MDGA2: variants seen among roughly 807,000 people sequenced by gnomAD.
The protein encoded by MDGA2 is MAM domain containing glycosylphosphatidylinositol anchor 2.
A neutral mutation model predicts 117.8 loss-of-function variants in MDGA2; 40 were observed. The ratio of observed to expected loss-of-function variants is 0.34; its 90% confidence interval spans 0.26 to 0.44. The LOEUF (loss-of-function observed/expected upper bound fraction) is 0.44, where lower values mean the gene tolerates loss of function less well. Among genes scored for constraint, MDGA2 ranks in the 20% least tolerant of loss-of-function variants. MDGA2 has a pLI of 1.00. For missense variants in MDGA2, 1,123 were observed against 1,250.6 expected (o/e 0.90, Z 1.54); for synonymous variants, 452 against 439.0 (o/e 1.03, Z -0.37).
chr14:47,410,504 C>T (rs1255813097), intron 1 of MDGA2, among the ~76,000 whole-genome samples: 1 of 151,914 alleles, frequency 6.6e-6, no homozygotes, highest in Non-Finnish European at 1.5e-5. Context: ...GTCTTTGTAA[C>T]AAACTTATAA....
intron 1 of MDGA2, among the ~76,000 whole-genome samples, chr14:47,516,362 T>C (rs1210246771): frequency 1.3e-5 from 2 of 152,180 alleles, no homozygotes; most frequent in African/African-American, 2.4e-5. Context: ...TCCCCATTTC[T>C]TTCACCAGTA....
chr14:47,309,052 A>T (rs562748982), intron 1 of MDGA2, among the ~76,000 whole-genome samples: 27 of 152,292 alleles, frequency 1.8e-4, no homozygotes, highest in African/African-American at 6.3e-4. Flanking sequence ...ACCCATGAAC[A>T]TAAACACATA....
At chr14:47,055,811 C>T (rs1889654657) in intron 7 of MDGA2, among the ~76,000 whole-genome samples, 1 of 152,106 alleles carries the variant, frequency 6.6e-6, no homozygotes, top group Admixed American at 6.6e-5. Context: ...ATTATCATAG[C>T]AGAGTGGAAT....
intron 3 of MDGA2, among the ~76,000 whole-genome samples, chr14:47,179,688 TCA>T (rs1566668297): frequency 6.6e-6 from 1 of 152,096 alleles, no homozygotes; most frequent in Non-Finnish European, 1.5e-5. Context: ...GTTCTATGGT[TCA>T]CAGAGGTAGG....
At chr14:47,172,740 G>T (rs929507244) in intron 3 of MDGA2, among the ~76,000 whole-genome samples, 4 of 152,176 alleles carry the variant, frequency 2.6e-5, no homozygotes, top group African/African-American at 7.2e-5. Context: ...AAAGCAGAGC[G>T]CCTCTCCTCC....
intron 1 of MDGA2, among the ~76,000 whole-genome samples, chr14:47,403,034 C>T (rs971148279): frequency 1.3e-5 from 2 of 152,132 alleles, no homozygotes; most frequent in Non-Finnish European, 2.9e-5. Flanking sequence ...TTCTTAAGAT[C>T]TTTCCCATGT....
chr14:47,288,541 T>C (rs914989010), intron 2 of MDGA2, among the ~76,000 whole-genome samples: 1 of 152,152 alleles, frequency 6.6e-6, no homozygotes, highest in African/African-American at 2.4e-5. Flanking sequence ...TTATCCAGCA[T>C]CATTTAATGA....
intron 8 of MDGA2, among the ~76,000 whole-genome samples, chr14:47,003,733 T>A (rs1203461307): frequency 2.6e-5 from 4 of 152,098 alleles, no homozygotes; most frequent in Non-Finnish European, 5.9e-5. Context: ...GTCTTTTCAT[T>A]CTTTTATCAG....
intron 8 of MDGA2, among the ~76,000 whole-genome samples, chr14:47,015,431 C>G (rs1888049408): frequency 6.6e-6 from 1 of 150,946 alleles, no homozygotes; most frequent in African/African-American, 2.4e-5. Flanking sequence ...CAAAATATTC[C>G]TAACTATCTT....
intron 3 of MDGA2, among the ~76,000 whole-genome samples, chr14:47,157,224 T>G (rs2139257481): frequency 6.6e-6 from 1 of 152,304 alleles, no homozygotes; most frequent in Admixed American, 6.5e-5. Flanking sequence ...TCATTCATAA[T>G]AAAAGACAAA....
chr14:47,108,172 C>A (rs997292823), intron 5 of MDGA2, among the ~76,000 whole-genome samples: 4 of 152,284 alleles, frequency 2.6e-5, no homozygotes, highest in African/African-American at 9.6e-5. Context: ...ACCACATTCC[C>A]TTCTCAGAAT....
At chr14:47,473,456 C>T (rs1372667763) in intron 1 of MDGA2, among the ~76,000 whole-genome samples, 3 of 152,036 alleles carry the variant, frequency 2.0e-5, no homozygotes, top group Admixed American at 6.6e-5. Flanking sequence ...CAAGGCTTTT[C>T]GTGTTTTAAA....
intron 1 of MDGA2, among the ~76,000 whole-genome samples, chr14:47,348,367 AC>A (rs1334791438): frequency 6.6e-6 from 1 of 151,886 alleles, no homozygotes; most frequent in Non-Finnish European, 1.5e-5. Context: ...GTGTGACACC[AC>A]GCCCAGCTAA....
At chr14:47,356,694 A>G (rs1004378114) in intron 1 of MDGA2, among the ~76,000 whole-genome samples, 1 of 152,134 alleles carries the variant, frequency 6.6e-6, no homozygotes, top group Non-Finnish European at 1.5e-5. Context: ...ATGAAAGTAG[A>G]CCTCATTTAT....
At chr14:47,041,909 T>G (rs900756642) in intron 7 of MDGA2, among the ~76,000 whole-genome samples, 2 of 152,060 alleles carry the variant, frequency 1.3e-5, no homozygotes, top group Non-Finnish European at 2.9e-5. Flanking sequence ...TTTAAAAATA[T>G]GACTGTAGTG....
intron 2 of MDGA2, among the ~76,000 whole-genome samples, chr14:47,281,925 C>T (rs928697248): frequency 1.3e-5 from 2 of 151,548 alleles, no homozygotes; most frequent in Admixed American, 1.3e-4. Flanking sequence ...GGTGTGGCGG[C>T]GCGCCTGTTG....
At chr14:47,568,379 GACAAGT>G (rs1009338697) in intron 1 of MDGA2, among the ~76,000 whole-genome samples, 1 of 152,024 alleles carries the variant, frequency 6.6e-6, no homozygotes, top group Admixed American at 6.6e-5. Flanking sequence ...TTCATTTTTT[GACAAGT>G]ACAACTAAAT....
At chr14:47,193,916 T>C (rs1028425832) in intron 3 of MDGA2, among the ~76,000 whole-genome samples, 2 of 152,170 alleles carry the variant, frequency 1.3e-5, no homozygotes, top group Non-Finnish European at 2.9e-5. Flanking sequence ...TTTAGTCGTA[T>C]GGTATAGTTA....
intron 7 of MDGA2, among the ~76,000 whole-genome samples, chr14:47,042,367 G>A (rs140820574): frequency 4.7e-5 from 7 of 148,578 alleles, no homozygotes; most frequent in Admixed American, 6.9e-5. Flanking sequence ...ATGCAGGTGC[G>A]TGTCTTCAAA....
Sources: allele counts gnomAD v4.1 joint callset (sites outside exome capture counted in the v4.1 genomes callset), GRCh38; gene constraint gnomAD v4.1.1; transcripts MANE v1.5; gene names NCBI Gene and HGNC (gene_info 2026-07-23, HGNC 2026-07-21).